The following CHADL variants were observed in gnomAD, a reference collection of about 807,000 sequenced individuals.
The protein encoded by CHADL is chondroadherin-like protein.
A neutral mutation model predicts 52.1 loss-of-function variants in CHADL; 48 were observed. The observed-to-expected ratio is 0.92, with a 90% CI of 0.73 to 1.17. The LOEUF (loss-of-function observed/expected upper bound fraction) is 1.17. Ranked by LOEUF, CHADL falls within the 50% of genes most tolerant of loss-of-function variation. The pLI is 0.00. For missense variants in CHADL, 977 were observed against 1,035.1 expected, an observed-to-expected ratio of 0.94 and a Z score of 0.77; for synonymous variants, 498 against 511.2, an observed-to-expected ratio of 0.97 and a Z score of 0.35.
At position 41,237,367 on chromosome 22, in the gene CHADL, G is replaced by A. The variant is rs1239750700; in HGVS notation, c.1705C>T (p.Arg569Trp). Residue 569 changes from arginine to tryptophan, a missense_variant, in exon 3 of 6, where the codon CGG becomes TGG. By Grantham distance (101) the Arg-to-Trp change is moderately radical. Coordinates refer to ENST00000216241, the MANE Select transcript of CHADL (RefSeq NM_138481.2). ...TCCAGGTGCAGCTTCTCCAGCTCCC[G>A]AGCTGGGCCCAGCGCCCCAAGGGAC... ...EVSLGALGPA[R>W]ELEKLHLDRN... 16 of 1,550,504 alleles carry A rather than the reference G, an allele frequency of 1.0e-5. No homozygotes were observed. The highest frequency in any genetic ancestry group is 5.5e-5 in the African/African-American group (4 of 73,040).
At position 41,237,414 on chromosome 22, in the gene CHADL, C is replaced by A; in HGVS notation, c.1658G>T (p.Ser553Ile). The part of the protein sequence containing the change: ...RTRALRWVYL[S>I]GNRITEVSLG... ...GGACACTTCGGTGATGCGGTTTCCA[C>A]TCAGGTAGACCCAGCGCAAGGCCCG... Residue 553 changes from serine to isoleucine, a missense_variant, in exon 3 of 6, where the codon AGT becomes ATT. Physicochemically the swap from Ser to Ile is moderately radical, Grantham distance 142. Coordinates refer to ENST00000216241, the MANE Select transcript of CHADL (RefSeq NM_138481.2). The A allele has an allele frequency of 6.4e-7, 1 of 1,550,606 alleles. No homozygotes were observed. Among genetic ancestry groups the A allele is most frequent in the Non-Finnish European group, 8.7e-7 (1 of 1,146,974 alleles).
At chr22:41,233,818 A>G (rs934674331) in intron 5 of CHADL, among the ~76,000 whole-genome samples, 10 of 152,208 alleles carry the variant, frequency 6.6e-5, no homozygotes, top group East Asian at 1.9e-4. Flanking sequence ...TTCAAAATGC[A>G]GGTCCAGGGG....
At chr22:41,236,274 A>G (rs1206126684) in intron 4 of CHADL, among the ~76,000 whole-genome samples, 4 of 152,222 alleles carry the variant, frequency 2.6e-5, no homozygotes, top group Non-Finnish European at 4.4e-5. Context: ...TGGATGATGA[A>G]ATCAAGGCTC....
rs1439672554 is a variant in CHADL, at chr22:41,235,285, G to A, written c.2122C>T (p.Arg708Cys). The change falls in exon 5 of 6, where the codon CGT becomes TGT. Residue 708 changes from arginine (R) to cysteine (C), a missense_variant. Physicochemically the swap from Arg to Cys is radical, Grantham distance 180 (BLOSUM62 -3). Transcript: ENST00000216241. ...GATCATPPNA[R>C]GQRVKAAAAV... The stretch of plus-strand genomic sequence containing the variant: ...GCTGCAGCCTTCACCCTCTGGCCAC[G>A]GGCATTGGGAGGGGTGGCGCAGGTG... 28 of 1,551,134 alleles carry A rather than the reference G, an allele frequency of 1.8e-5. No individual in the cohort carries two copies. Among genetic ancestry groups the A allele is most frequent in the Middle Eastern group, 1.7e-4 (1 of 6,004 alleles).
chr22:41,238,349 C>T lies in CHADL; in HGVS notation c.723G>A (p.Pro241=). Residue 241 remains proline, a synonymous_variant, in exon 3 of 6, where the codon CCG becomes CCA. Coordinates refer to ENST00000216241, the MANE Select transcript of CHADL (RefSeq NM_138481.2). The surrounding 1 kb of genome is among the most constrained non-coding windows in gnomAD (Gnocchi z 4.9). ...GLARLELGHN[P]LTYAGEEDGL... is the part of the protein sequence containing the mutation. Reference sequence around the variant, plus strand: ...CGTCCTCCTCGCCCGCGTAGGTGAGCGGGTTGTGGCCCAGCTCCAGACGGG... The same window carrying T: ...CGTCCTCCTCGCCCGCGTAGGTGAGTGGGTTGTGGCCCAGCTCCAGACGGG... 2 of 1,507,454 alleles carry T rather than the reference C, an allele frequency of 1.3e-6. No homozygotes were observed. Among genetic ancestry groups the T allele is most frequent in the East Asian group, 2.5e-5 (1 of 40,420 alleles). 93.4% of individuals were successfully genotyped at this position (1,507,454 alleles called of 1,614,324 possible).
intron 5 of CHADL, among the ~76,000 whole-genome samples, chr22:41,234,341 G>A (rs933171000): frequency 1.3e-5 from 2 of 151,380 alleles, no homozygotes; most frequent in African/African-American, 4.9e-5. Flanking sequence ...GGGGCAGGGA[G>A]GAGGGAAGAA....
chr22:41,229,928 T>G (rs955428416), intron 5 of CHADL, among the ~76,000 whole-genome samples, 198 bp from the exon 6 acceptor site: 4 of 152,120 alleles, frequency 2.6e-5, no homozygotes, highest in Non-Finnish European at 5.9e-5. Flanking sequence ...GGTGACAGAT[T>G]GGCACATGGC....
In CHADL at chr22:41,229,577, A is replaced by G. The variant is rs368098806; in HGVS notation, c.*127T>C. 1 of 1,613,310 alleles carries G rather than the reference A, an allele frequency of 6.2e-7. No homozygotes were observed. Among genetic ancestry groups the G allele is most frequent in the South Asian group, 1.1e-5 (1 of 91,062 alleles). ...CGCCCACTAAGACGCGACCCCTCAGACAGGGGTCCAAGAAGCCCCTGCTGG... is the reference window on the plus strand; with the variant it reads ...CGCCCACTAAGACGCGACCCCTCAGGCAGGGGTCCAAGAAGCCCCTGCTGG... On this transcript the variant is annotated 3_prime_UTR_variant, in exon 6 of 6. Coordinates refer to ENST00000216241, the MANE Select transcript of CHADL (RefSeq NM_138481.2).
At chr22:41,230,165 C>CATCT in intron 5 of CHADL, 1 of 1,584,104 alleles carries the variant, frequency 6.3e-7, no homozygotes, top group South Asian at 1.1e-5. Context: ...GAAGGAAGAG[C>CATCT]ATCTAGACGT....
intron 5 of CHADL, among the ~76,000 whole-genome samples, chr22:41,234,314 G>A (rs373255663): frequency 6.6e-6 from 1 of 152,004 alleles, no homozygotes; most frequent in Non-Finnish European, 1.5e-5. Context: ...ACCCACCCTG[G>A]GTCTAGCCCA....
Position 41,237,198 on chromosome 22 carries a change from A to G in CHADL, c.1874T>C (p.Leu625Pro), listed in dbSNP as rs778658887. ...PVGRSLQHLF[L>P]NSSGLEQICP... is the part of the protein sequence containing the mutation. ...CACCTGCTCCAGGCCACTGCTGTTC[A>G]GGAAGAGGTGCTGCAGCGACCTGCC... The change falls in exon 3 of 6, where the codon CTG becomes CCG. Residue 625 changes from leucine to proline, a missense_variant. Transcript: ENST00000216241. 1.3e-6 allele frequency: 2 copies of G among 1,545,610 alleles called. No individual in the cohort carries two copies. Among genetic ancestry groups the G allele is most frequent in the African/African-American group, 1.4e-5 (1 of 73,086 alleles).
At position 41,237,987 on chromosome 22, in the gene CHADL, G is replaced by T. The variant is rs2032779931; in HGVS notation, c.1085C>A (p.Ala362Glu). Residue 362 changes from alanine (A) to glutamate (E), a missense_variant, in exon 3 of 6, where the codon GCG becomes GAG. Coordinates refer to ENST00000216241, the MANE Select transcript of CHADL (RefSeq NM_138481.2). Reference protein sequence around the residue: ...PWDLRCPGDAAQEEEELEERA... With the variant: ...PWDLRCPGDAEQEEEELEERA... ...CTCTTCCAGCTCTTCCTCTTCCTGCGCCGCGTCCCCAGGGCAGCGCAGGTC... is the reference window on the plus strand; with the variant it reads ...CTCTTCCAGCTCTTCCTCTTCCTGCTCCGCGTCCCCAGGGCAGCGCAGGTC... 2.4e-6 allele frequency: 3 copies of T among 1,259,098 alleles called. No homozygotes were observed. Among genetic ancestry groups the T allele is most frequent in the Non-Finnish European group, 3.0e-6 (3 of 1,007,202 alleles). 78.0% of individuals were successfully genotyped at this position (1,259,098 alleles called of 1,614,324 possible). A position where few individuals can be genotyped will look rare whatever the true frequency, so the allele number is the denominator to read the frequency against.
rs148168161 is a variant in CHADL at position 41,235,716 on chromosome 22, T to C, written c.2064-373A>G. The stretch of plus-strand genomic sequence containing the variant: ...GACACTGTTCAAATCAACTTATCTA[T>C]GCTAATTTCATTCTTACAACAACCA... On this transcript the variant is annotated intron_variant, in intron 4 of 5. Coordinates refer to ENST00000216241, the MANE Select transcript of CHADL (RefSeq NM_138481.2). Among the ~76,000 whole-genome samples, 3 of 152,328 alleles carry C rather than the reference T, an allele frequency of 2.0e-5. No homozygotes were observed. The East Asian group carries it at 5.8e-4, about 29-fold the overall frequency.
intron 1 of CHADL, 81 bp downstream of exon 1, chr22:41,240,793 G>C (rs1315024198): frequency 6.7e-6 from 10 of 1,490,042 alleles, no homozygotes; most frequent in Non-Finnish European, 9.1e-6. Context: ...GCCTCTGAGA[G>C]GCCCAGAGGG....
rs1429223034 is a variant in CHADL at position 41,237,184 on chromosome 22, G to T, written c.1888C>A (p.Leu630Met). Residue 630 changes from leucine (L) to methionine (M), a missense_variant, in exon 3 of 6, where the codon CTG becomes ATG. Physicochemically the swap from Leu to Met is conservative, Grantham distance 15. Transcript: ENST00000216241. ...LQHLFLNSSG[L>M]EQICPGAFSG... ...AGATGCCCAGTGCCCACCTGCTCCA[G>T]GCCACTGCTGTTCAGGAAGAGGTGC... The T allele has an allele frequency of 1.9e-6, 3 of 1,541,068 alleles. No homozygotes were observed. In the South Asian group the frequency reaches 3.6e-5, roughly 18 times the overall value.
chr22:41,230,632 A>C, intron 5 of CHADL: 1 of 229,598 alleles, frequency 4.4e-6, no homozygotes, highest in Non-Finnish European at 8.5e-6. Context: ...GGAATACAAG[A>C]CAGTGAACTC....
At chr22:41,240,589 C>A (rs1601562316) in intron 1 of CHADL, among the ~76,000 whole-genome samples, 1 of 152,240 alleles carries the variant, frequency 6.6e-6, no homozygotes, top group Admixed American at 6.5e-5. Context: ...TCAGGGCAGG[C>A]CAGGGAGGGG....
At chr22:41,240,033 C>A (rs1344913193) in intron 1 of CHADL, among the ~76,000 whole-genome samples, 1 of 152,096 alleles carries the variant, frequency 6.6e-6, no homozygotes, top group Non-Finnish European at 1.5e-5. Context: ...CATAATGGTA[C>A]CCCCCAGAAA....
Position 41,238,927 on chromosome 22 carries a change from A to C in CHADL, c.187-42T>G, listed in dbSNP as rs1354234108. 4 of 1,486,562 alleles carry C rather than the reference A, an allele frequency of 2.7e-6. No homozygotes were observed. The African/African-American group carries it at 4.2e-5, about 16-fold the overall frequency. 92.1% of individuals were successfully genotyped at this position (1,486,562 alleles called of 1,614,324 possible). A position where few individuals can be genotyped will look rare whatever the true frequency, so the allele number is the denominator to read the frequency against. ...GAAAGTGGGGCTGAGCCAGGCAGGG[A>C]CCCCGCCTTTGCAAGTGCTGCTTCT... On this transcript the variant is annotated intron_variant, in intron 2 of 5. Transcript: ENST00000216241. The surrounding 1 kb of genome is among the most constrained non-coding windows in gnomAD (Gnocchi z 4.9).
Sources: gnomAD v4.1 joint callset for allele counts (sites outside exome capture counted in the v4.1 genomes callset) on GRCh38, gnomAD v4.1.1 for gene constraint, Gnocchi (gnomAD v3.1) non-coding constraint, MANE v1.5 for transcripts, NCBI Gene and HGNC (gene_info 2026-07-23, HGNC 2026-07-21) for gene names.